The following SIDT1 variants were observed in gnomAD, a reference collection of about 807,000 sequenced individuals.
SIDT1 encodes the protein SID1 transmembrane family member 1.
In SIDT1, 101 loss-of-function variants were observed where a neutral mutation model predicts 107.5. The ratio of observed to expected loss-of-function variants is 0.94; its 90% CI spans 0.80 to 1.11. SIDT1 has a LOEUF of 1.11. SIDT1 is among the 50% of genes least tolerant of loss of function. The pLI is 0.00. For missense variants in SIDT1, 1,076 were observed against 1,058.2 expected, an observed-to-expected ratio of 1.02 and a Z score of -0.23; for synonymous variants, 395 against 398.2, an observed-to-expected ratio of 0.99 and a Z score of 0.10.
At chr3:113,553,109 G>C (rs1940456991) in intron 1 of SIDT1, among the ~76,000 whole-genome samples, 1 of 152,298 alleles carries the variant, frequency 6.6e-6, no homozygotes, top group Admixed American at 6.5e-5. Context: ...GCATCAGAGT[G>C]AATTCAAGTG....
chr3:113,606,004 C>G (rs1476606800), intron 14 of SIDT1, among the ~76,000 whole-genome samples: 1 of 111,230 alleles, frequency 9.0e-6, no homozygotes, highest in Non-Finnish European at 1.8e-5. Context: ...GACCGTGTCT[C>G]AAGAACAAAA....
intron 10 of SIDT1, among the ~76,000 whole-genome samples, chr3:113,593,750 TTTTC>T: frequency 6.6e-6 from 1 of 152,150 alleles, no homozygotes; most frequent in Admixed American, 6.5e-5. Context: ...ATGGTTTACT[TTTTC>T]CCAAACTAAG....
rs538226726 is a variant in SIDT1, at chr3:113,592,896, G to A, written c.1002-109G>A. ...CCACCGCACCTGGCCCCAAAGACATGTTTTGAAGAGATCCTAGTAGACAAA... is the reference window on the plus strand; with the variant it reads ...CCACCGCACCTGGCCCCAAAGACATATTTTGAAGAGATCCTAGTAGACAAA... On this transcript the variant is annotated intron_variant, in intron 9 of 24. Transcript: ENST00000264852. 22 of 923,342 alleles carry A rather than the reference G, an allele frequency of 2.4e-5. No homozygotes were observed. In the Middle Eastern group the frequency reaches 8.5e-4, roughly 35 times the overall value. The allele number at this position is 923,342 out of a possible 1,614,324, so 57.2% of individuals were successfully genotyped here.
intron 1 of SIDT1, among the ~76,000 whole-genome samples, chr3:113,560,151 G>A (rs569783395): frequency 9.9e-5 from 15 of 152,076 alleles, no homozygotes; most frequent in Non-Finnish European, 1.9e-4. Flanking sequence ...CTCCCTAAGC[G>A]CCTTCCCAGA....
rs770735591 is a variant in SIDT1, at chr3:113,581,375, T to A, written c.678T>A (p.Asp226Glu). 1 of 1,613,652 alleles carries A rather than the reference T, an allele frequency of 6.2e-7. No individual in the cohort carries two copies. Reference sequence around the variant, plus strand: ...GCATGCTGCAGTGCCCGGTGTATGATCTCGACCACAATGTGGAATTTAATG... The same window carrying A: ...GCATGCTGCAGTGCCCGGTGTATGAACTCGACCACAATGTGGAATTTAATG... ...SVQNIMCPVY[D>E]LDHNVEFNGV... is the part of the protein sequence containing the mutation. The change falls in exon 6 of 25, where the codon GAT becomes GAA. Residue 226 changes from aspartate (D) to glutamate (E), a missense_variant. Physicochemically the swap from Asp to Glu is conservative, Grantham distance 45. Coordinates refer to ENST00000264852, the MANE Select transcript of SIDT1 (RefSeq NM_017699.3).
At chr3:113,616,029 C>T in intron 19 of SIDT1, 71 bp from the exon 20 acceptor site, 1 of 1,049,438 alleles carries the variant, frequency 9.5e-7, no homozygotes, top group Non-Finnish European at 1.5e-6. Context: ...GCTCCAAAAC[C>T]TTGGGCCACT....
intron 4 of SIDT1, among the ~76,000 whole-genome samples, chr3:113,578,556 A>G (rs1943096203): frequency 6.6e-6 from 1 of 151,796 alleles, no homozygotes; most frequent in African/African-American, 2.4e-5. Context: ...TATAATAAAT[A>G]TGATATACTG....
chr3:113,618,405 G>C (rs149743876), intron 20 of SIDT1, among the ~76,000 whole-genome samples: 1 of 152,190 alleles, frequency 6.6e-6, no homozygotes, highest in African/African-American at 2.4e-5. Context: ...AAGTTTTTGT[G>C]TGGACGTAAG....
chr3:113,622,747 G>A (rs1431195709), intron 21 of SIDT1, among the ~76,000 whole-genome samples: 3 of 152,134 alleles, frequency 2.0e-5, no homozygotes, highest in African/African-American at 7.2e-5. Context: ...ATTCATTGCA[G>A]TGTTTCTTAT....
intron 1 of SIDT1, 126 bp from the exon 2 acceptor site, chr3:113,566,294 T>C (rs1316695552): frequency 1.2e-5 from 11 of 919,264 alleles, no homozygotes; most frequent in African/African-American, 1.7e-5. Flanking sequence ...TTAAAGTGTT[T>C]CTGAGCCTCA....
intron 1 of SIDT1, among the ~76,000 whole-genome samples, chr3:113,556,823 T>TTTTTTTTC (rs1576752018): frequency 8.2e-6 from 1 of 121,934 alleles, no homozygotes; most frequent in East Asian, 2.1e-4. Flanking sequence ...TTCTTTTTCT[T>TTTTTTTTC]TTTTTTTTTT....
intron 3 of SIDT1, among the ~76,000 whole-genome samples, chr3:113,574,614 T>C (rs1942755223): frequency 6.6e-6 from 1 of 151,976 alleles, no homozygotes; most frequent in Admixed American, 6.6e-5. Flanking sequence ...CTCTCCTCTC[T>C]GTATTTCTTC....
intron 16 of SIDT1, 56 bp from the exon 17 acceptor site, chr3:113,608,363 A>G: frequency 6.5e-7 from 1 of 1,526,736 alleles, no homozygotes; most frequent in Non-Finnish European, 9.1e-7. Context: ...CAGATTAGTG[A>G]CTTGGTGGAT....
At chr3:113,581,270 C>T in intron 5 of SIDT1, 91 bp from the exon 6 acceptor site, 1 of 1,051,554 alleles carries the variant, frequency 9.5e-7, no homozygotes, top group South Asian at 1.3e-5. Context: ...CTCTGTGATC[C>T]AAGCAGAAAG....
At chr3:113,593,260 T>A (rs900033721) in intron 10 of SIDT1, among the ~76,000 whole-genome samples, 1 of 152,210 alleles carries the variant, frequency 6.6e-6, no homozygotes, top group Non-Finnish European at 1.5e-5. Context: ...CGTGGACTGG[T>A]ACTGATCCGT....
At chr3:113,542,403 A>G (rs1939016946) in intron 1 of SIDT1, among the ~76,000 whole-genome samples, 1 of 151,922 alleles carries the variant, frequency 6.6e-6, no homozygotes, top group Non-Finnish European at 1.5e-5. Flanking sequence ...TTCTATAACT[A>G]TTTTTCCAGA....
At chr3:113,565,831 A>G (rs1005601719) in intron 1 of SIDT1, among the ~76,000 whole-genome samples, 1 of 152,230 alleles carries the variant, frequency 6.6e-6, no homozygotes, top group Non-Finnish European at 1.5e-5. Flanking sequence ...AAATGTGGTC[A>G]TAACATTTTG....
intron 10 of SIDT1, among the ~76,000 whole-genome samples, chr3:113,600,583 G>A (rs1944889022): frequency 6.6e-6 from 1 of 152,158 alleles, no homozygotes; most frequent in Non-Finnish European, 1.5e-5. Flanking sequence ...GGTAGTACTG[G>A]TAGCAGCAGC....
chr3:113,538,849 T>A (rs962064410), intron 1 of SIDT1, among the ~76,000 whole-genome samples: 1 of 152,200 alleles, frequency 6.6e-6, no homozygotes, highest in Non-Finnish European at 1.5e-5. Flanking sequence ...ATATCCAATT[T>A]ATGTTTTGGC....
Sources: gnomAD v4.1 joint callset for allele counts (sites outside exome capture counted in the v4.1 genomes callset) on GRCh38, gnomAD v4.1.1 for gene constraint, MANE v1.5 for transcripts, NCBI Gene and HGNC (gene_info 2026-07-23, HGNC 2026-07-21) for gene names.